The following GRM8 variants were observed in gnomAD, a reference collection of about 807,000 sequenced individuals.
The protein encoded by GRM8 is metabotropic glutamate receptor 8.
A neutral mutation model predicts 87.2 loss-of-function variants in GRM8; 47 were observed. The observed-to-expected ratio is 0.54, with a 90% CI of 0.43 to 0.69. GRM8 has a LOEUF of 0.69. Ranked by LOEUF, GRM8 falls within the 30% of genes least tolerant of loss-of-function variation. The pLI is 0.00. For missense variants in GRM8, 1,019 were observed against 1,139.2 expected (o/e 0.89, Z 1.52); for synonymous variants, 396 against 404.5 (o/e 0.98, Z 0.25).
chr7:126,768,764 T>C (rs1818487381), intron 7 of GRM8, among the ~76,000 whole-genome samples: 1 of 152,028 alleles, frequency 6.6e-6, no homozygotes, highest in African/African-American at 2.4e-5. Flanking sequence ...CCTCTTTTGA[T>C]CAATTTCATA....
intron 8 of GRM8, among the ~76,000 whole-genome samples, chr7:126,603,875 C>T (rs889664695): frequency 6.6e-6 from 1 of 152,086 alleles, no homozygotes; most frequent in African/African-American, 2.4e-5. Flanking sequence ...AAGGTCAAGT[C>T]TTCTCTCAAA....
At chr7:127,132,343 T>C (rs1827733333) in intron 2 of GRM8, among the ~76,000 whole-genome samples, 1 of 152,216 alleles carries the variant, frequency 6.6e-6, no homozygotes, top group African/African-American at 2.4e-5. Flanking sequence ...AATGAGAAAG[T>C]TACTTTTATT....
chr7:127,159,190 G>C (rs911819725), intron 2 of GRM8, among the ~76,000 whole-genome samples: 2 of 152,134 alleles, frequency 1.3e-5, no homozygotes, highest in Non-Finnish European at 2.9e-5. Context: ...TGTTGTGTGC[G>C]AACTAATAAT....
chr7:126,770,931 T>G (rs2151609655), intron 6 of GRM8, among the ~76,000 whole-genome samples: 1 of 152,094 alleles, frequency 6.6e-6, no homozygotes, highest in African/African-American at 2.4e-5. Context: ...AAGCCCAATA[T>G]TCTCTCAATC....
intron 2 of GRM8, among the ~76,000 whole-genome samples, chr7:127,235,409 C>A (rs1251774181): frequency 6.6e-6 from 1 of 152,216 alleles, no homozygotes; most frequent in Non-Finnish European, 1.5e-5. Flanking sequence ...TGTCTTACAG[C>A]AAGATGCTTT....
intron 7 of GRM8, among the ~76,000 whole-genome samples, chr7:126,671,085 TCTTG>T (rs1206361892): frequency 6.6e-6 from 1 of 152,238 alleles, no homozygotes; most frequent in African/African-American, 2.4e-5. Context: ...AAGGAGTCAA[TCTTG>T]ACTTGCAGAG....
intron 7 of GRM8, among the ~76,000 whole-genome samples, chr7:126,661,489 C>G (rs1182675872): frequency 6.6e-6 from 1 of 152,158 alleles, no homozygotes; most frequent in Non-Finnish European, 1.5e-5. Flanking sequence ...AAATCACTTT[C>G]TAAACCCAGC....
At chr7:126,446,815 G>A (rs1193769556) in intron 9 of GRM8, among the ~76,000 whole-genome samples, 1 of 151,910 alleles carries the variant, frequency 6.6e-6, no homozygotes, top group African/African-American at 2.4e-5. Flanking sequence ...CAACATTCCA[G>A]AACATCACTA....
intron 9 of GRM8, among the ~76,000 whole-genome samples, chr7:126,479,671 G>A (rs1393893999): frequency 6.6e-6 from 1 of 151,902 alleles, no homozygotes; most frequent in Admixed American, 6.6e-5. Flanking sequence ...TTTAAATAAT[G>A]GTACTATGAA....
At chr7:126,920,471 A>G (rs1804402664) in intron 3 of GRM8, among the ~76,000 whole-genome samples, 1 of 152,144 alleles carries the variant, frequency 6.6e-6, no homozygotes. Flanking sequence ...TTACCAGAAT[A>G]GAAAAAGCTC....
At chr7:126,447,812 C>T (rs969627816) in intron 9 of GRM8, among the ~76,000 whole-genome samples, 1 of 152,004 alleles carries the variant, frequency 6.6e-6, no homozygotes, top group East Asian at 2.0e-4. Context: ...ATGCACACTG[C>T]TGAATTTACT....
chr7:127,084,878 T>C (rs1171523978), intron 3 of GRM8: 1 of 152,188 alleles, frequency 6.6e-6, no homozygotes, highest in Non-Finnish European at 1.5e-5. Context: ...GTTCATTACT[T>C]AGGTATACAT....
chr7:127,104,600 A>T (rs1161987013), intron 3 of GRM8, among the ~76,000 whole-genome samples: 1 of 152,208 alleles, frequency 6.6e-6, no homozygotes, highest in Non-Finnish European at 1.5e-5. Context: ...TCCATTCCCC[A>T]GATAAGTGAG....
intron 6 of GRM8, among the ~76,000 whole-genome samples, chr7:126,819,555 ATG>A (rs886610340): frequency 5.9e-5 from 9 of 152,164 alleles, no homozygotes; most frequent in Non-Finnish European, 1.2e-4. Flanking sequence ...TAACAAATCA[ATG>A]TAATATAATA....
chr7:126,861,672 A>C (rs142277237), intron 6 of GRM8, among the ~76,000 whole-genome samples: 2 of 150,534 alleles, frequency 1.3e-5, no homozygotes, highest in Non-Finnish European at 3.0e-5. Context: ...ACATTTTCTT[A>C]TTTATTGGCC....
At chr7:126,728,083 A>C (rs1307604405) in intron 7 of GRM8, among the ~76,000 whole-genome samples, 1 of 152,114 alleles carries the variant, frequency 6.6e-6, no homozygotes, top group African/African-American at 2.4e-5. Context: ...ATTGTTGAGA[A>C]CTTGTCTACT....
chr7:126,723,330 C>T (rs149041095), intron 7 of GRM8, among the ~76,000 whole-genome samples: 6 of 151,970 alleles, frequency 3.9e-5, no homozygotes, highest in South Asian at 2.1e-4. Flanking sequence ...ATTAAGAATC[C>T]CCATTTGCTG....
chr7:127,177,918 T>A (rs549035163), intron 2 of GRM8, among the ~76,000 whole-genome samples: 1 of 151,972 alleles, frequency 6.6e-6, no homozygotes, highest in Non-Finnish European at 1.5e-5. Context: ...AAACCAACCC[T>A]GGTAATATGA....
chr7:126,903,798 T>TATATAG (rs1802409753), intron 5 of GRM8, among the ~76,000 whole-genome samples, 174 bp downstream of exon 5: 1 of 147,688 alleles, frequency 6.8e-6, no homozygotes, highest in African/African-American at 2.5e-5. Context: ...TATATATATA[T>TATATAG]ATATGCATAT....
Sources: allele counts gnomAD v4.1 joint callset (sites outside exome capture counted in the v4.1 genomes callset), GRCh38; gene constraint gnomAD v4.1.1; transcripts MANE v1.5; gene names NCBI Gene and HGNC (gene_info 2026-07-23, HGNC 2026-07-21).